ARHGAP24: variants seen among roughly 807,000 people sequenced by gnomAD.
ARHGAP24 encodes Rho GTPase activating protein 24.
ARHGAP24 carries 50 observed loss-of-function variants against 76.4 expected under a neutral mutation model. The ratio of observed to expected loss-of-function variants is 0.65; its 90% CI spans 0.52 to 0.83. The LOEUF is 0.83. ARHGAP24 is among the 40% of genes least tolerant of loss of function. ARHGAP24 has a pLI of 0.00. For synonymous variants in ARHGAP24, 345 were observed against 323.3 expected (o/e 1.07, Z -0.72); for missense variants, 930 against 914.2 (o/e 1.02, Z -0.22).
Position 85,814,313 on chromosome 4 carries a change from G to A in ARHGAP24, c.268+92341G>A, listed in dbSNP as rs143704654. Among the ~76,000 whole-genome samples the A allele has an allele frequency of 7.4e-3, 1,121 of 152,218 alleles. 6 individuals carry two copies. Among genetic ancestry groups the A allele is most frequent in the Middle Eastern group, 0.01 (3 of 294 alleles). ...TCCCCCAAAGTCTTAACTCATTTCA[G>A]CATTAACTCAAAAGTCCACAGTCCA... On this transcript the variant is annotated intron_variant, in intron 3 of 9. Coordinates refer to ENST00000395184, the MANE Select transcript of ARHGAP24 (RefSeq NM_001025616.3).
chr4:85,665,234 C>A (rs1473018119), intron 2 of ARHGAP24, among the ~76,000 whole-genome samples: 5 of 152,106 alleles, frequency 3.3e-5, no homozygotes, highest in Non-Finnish European at 7.3e-5. Context: ...ATAGTTAGCT[C>A]TTCTTGTTGA....
At chr4:85,564,313 T>C (rs1726718401) in intron 1 of ARHGAP24, among the ~76,000 whole-genome samples, 1 of 151,462 alleles carries the variant, frequency 6.6e-6, no homozygotes. Flanking sequence ...AAGCACTGTA[T>C]GTTCTCGCTC....
At chr4:85,852,072 A>C (rs1307104999) in intron 3 of ARHGAP24, among the ~76,000 whole-genome samples, 1 of 152,168 alleles carries the variant, frequency 6.6e-6, no homozygotes, top group Non-Finnish European at 1.5e-5. Context: ...TCTCCCCGTC[A>C]CTTTCAGGTA....
At chr4:85,999,136 A>G (rs1740857187) in intron 9 of ARHGAP24, among the ~76,000 whole-genome samples, 1 of 152,188 alleles carries the variant, frequency 6.6e-6, no homozygotes, top group Non-Finnish European at 1.5e-5. Context: ...GATACATACA[A>G]ATGTGTCAAT....
In ARHGAP24 at chr4:86,000,777, G is replaced by A; in HGVS notation, c.*55G>A. On this transcript the variant is annotated 3_prime_UTR_variant, in exon 10 of 10. Transcript: ENST00000395184. Reference sequence around the variant, plus strand: ...TCTGGCAAGGACTCCAGGGATTCTGGTGGGATATGACTTAGAACCAGGTGG... The same window carrying A: ...TCTGGCAAGGACTCCAGGGATTCTGATGGGATATGACTTAGAACCAGGTGG... The A allele has an allele frequency of 1.2e-6, 2 of 1,610,994 alleles. No individual in the cohort carries two copies. Among genetic ancestry groups the A allele is most frequent in the Non-Finnish European group, 1.7e-6 (2 of 1,178,338 alleles).
rs1560536758 is a variant in ARHGAP24, at chr4:85,570,386, CTTT to C, written c.-20-135_-20-133del. On this transcript the variant is annotated intron_variant, in intron 1 of 9. Transcript: ENST00000395184. ...TTTCTCTTTCTTTCTTTCTTTCTTT[CTTT>C]CTTTCTTTCTTTCTTTCTTTCTTTC... The C allele has an allele frequency of 0.44, 14,973 of 33,852 alleles. 6,252 individuals carry two copies. Among genetic ancestry groups the C allele is most frequent in the East Asian group, 0.96 (5,227 of 5,442 alleles). 2.1% of individuals were successfully genotyped at this position (33,852 alleles called of 1,614,324 possible).
chr4:85,675,489 G>A lies in ARHGAP24; in HGVS notation c.181-46396G>A, dbSNP rs570892746. ...GCCTGAAACCCTGGATACTGCAGTG[G>A]CCAAAAGAACCTGGAAGGGTCTGTG... On this transcript the variant is annotated intron_variant, in intron 2 of 9. Coordinates refer to ENST00000395184, the MANE Select transcript of ARHGAP24 (RefSeq NM_001025616.3). Among the ~76,000 whole-genome samples the A allele has an allele frequency of 4.6e-5, 7 of 152,312 alleles. No homozygotes were observed. The South Asian group carries it at 1.4e-3, about 32-fold the overall frequency.
intron 2 of ARHGAP24, among the ~76,000 whole-genome samples, chr4:85,611,298 A>G (rs924888581): frequency 8.5e-5 from 13 of 152,194 alleles, no homozygotes; most frequent in African/African-American, 3.1e-4. Context: ...AGGGAGTTGA[A>G]CAATAAACTT....
chr4:85,898,888 T>G (rs1206375363), intron 3 of ARHGAP24, among the ~76,000 whole-genome samples: 1 of 152,060 alleles, frequency 6.6e-6, no homozygotes, highest in African/African-American at 2.4e-5. Context: ...GGATTACAGG[T>G]GTCCACCACC....
chr4:85,735,521 T>A (rs1725575260), intron 3 of ARHGAP24, among the ~76,000 whole-genome samples: 1 of 152,224 alleles, frequency 6.6e-6, no homozygotes, highest in South Asian at 2.1e-4. Context: ...TGATTACTCC[T>A]TTTTTCTGGG....
intron 2 of ARHGAP24, among the ~76,000 whole-genome samples, chr4:85,720,210 A>G (rs1724878668): frequency 6.6e-6 from 1 of 152,102 alleles, no homozygotes; most frequent in Non-Finnish European, 1.5e-5. Flanking sequence ...ACATGTATAC[A>G]TATGTAACAA....
chr4:85,726,347 A>AC (rs1396275433), intron 3 of ARHGAP24, among the ~76,000 whole-genome samples: 7 of 152,282 alleles, frequency 4.6e-5, no homozygotes, highest in Non-Finnish European at 8.8e-5. Context: ...ATGGAGAATG[A>AC]CATTAGATTG....
At chr4:85,963,280 A>G (rs1488499698) in intron 5 of ARHGAP24, among the ~76,000 whole-genome samples, 1 of 152,016 alleles carries the variant, frequency 6.6e-6, no homozygotes, top group Non-Finnish European at 1.5e-5. Context: ...TTGCAGTATG[A>G]GATGTATTGT....
chr4:85,849,354 C>T (rs11097077), intron 3 of ARHGAP24, among the ~76,000 whole-genome samples: 12,675 of 151,642 alleles, frequency 0.084, 789 homozygotes, highest in African/African-American at 0.15. Flanking sequence ...TGGGCTGAGA[C>T]GATGGGTTTT....
At position 85,901,445 on chromosome 4, in the gene ARHGAP24, C is replaced by T. The variant is rs113579020; in HGVS notation, c.269-22203C>T. Among the ~76,000 whole-genome samples, 1,213 of 152,132 alleles carry T rather than the reference C, an allele frequency of 8.0e-3. 15 individuals carry two copies. The highest frequency in any genetic ancestry group is 0.025 in the African/African-American group (1,054 of 41,516). ...ATGTCATCTCTCATATTCTAATTGC[C>T]TACCACATAGTAGACCAGTAGGACA... On this transcript the variant is annotated intron_variant, in intron 3 of 9. Transcript: ENST00000395184.
At chr4:85,986,336 T>C (rs1278785519) in intron 8 of ARHGAP24, among the ~76,000 whole-genome samples, 6 of 152,180 alleles carry the variant, frequency 3.9e-5, no homozygotes, top group Non-Finnish European at 8.8e-5. Context: ...TGCATTCTGC[T>C]TCCCATCATG....
intron 3 of ARHGAP24, chr4:85,723,605 T>G (rs1316826431): frequency 6.6e-6 from 1 of 152,204 alleles, no homozygotes; most frequent in Non-Finnish European, 1.5e-5. Context: ...TTAAATATAG[T>G]ATGTGAGTAG....
chr4:85,634,110 C>G (rs1221738698), intron 2 of ARHGAP24, among the ~76,000 whole-genome samples: 1 of 151,786 alleles, frequency 6.6e-6, no homozygotes, highest in Non-Finnish European at 1.5e-5. Context: ...GATAAAAAAT[C>G]TCACAAATTA....
intron 2 of ARHGAP24, among the ~76,000 whole-genome samples, chr4:85,664,262 T>G (rs1288616961): frequency 3.3e-5 from 5 of 151,186 alleles, no homozygotes; most frequent in South Asian, 4.1e-4. Context: ...GTCGAGGAAT[T>G]TATCCATTTC....
Sources: allele counts gnomAD v4.1 joint callset (sites outside exome capture counted in the v4.1 genomes callset), GRCh38; gene constraint gnomAD v4.1.1; transcripts MANE v1.5; gene names NCBI Gene and HGNC (gene_info 2026-07-23, HGNC 2026-07-21).